TIMM13: variants seen among roughly 807,000 people sequenced by gnomAD.
The protein encoded by TIMM13 is mitochondrial import inner membrane translocase subunit Tim13.
In TIMM13, 8 loss-of-function variants were observed where a neutral mutation model predicts 10.9. That is an observed-to-expected ratio of 0.73 (90% confidence interval 0.43 to 1.32). The LOEUF is 1.32. Among genes scored for constraint, TIMM13 ranks in the 40% most tolerant of loss-of-function variants. The probability of loss-of-function intolerance (pLI) is 0.01; values close to 1 mark genes in which losing one functional copy is unlikely to be tolerated. For synonymous variants in TIMM13, 68 were observed against 52.5 expected, an observed-to-expected ratio of 1.30 and a Z score of -1.28; for missense variants, 147 against 132.8, an observed-to-expected ratio of 1.11 and a Z score of -0.53.
In TIMM13 at chr19:2,426,174, C is replaced by A. The variant is rs1971625695; in HGVS notation, c.*774G>T. The A allele has an allele frequency of 4.6e-6, 5 of 1,079,302 alleles. No homozygotes were observed. The highest frequency in any genetic ancestry group is 3.4e-5 in the Admixed American group (1 of 29,794). 66.9% of individuals were successfully genotyped at this position (1,079,302 alleles called of 1,614,324 possible). A position where few individuals can be genotyped will look rare whatever the true frequency, so the allele number is the denominator to read the frequency against. On this transcript the variant is annotated 3_prime_UTR_variant, in exon 3 of 3. Transcript: ENST00000215570. ...CAACACCCCACCCCACCGTACCCTA[C>A]CCAAGGACGGGTGTGGGGGGGCTGT... is the stretch of plus-strand genomic sequence containing the variant.
rs149393997 is a variant in TIMM13 at position 2,426,578 on chromosome 19, A to G, written c.*370T>C. On this transcript the variant is annotated 3_prime_UTR_variant, in exon 3 of 3. Coordinates refer to ENST00000215570, the MANE Select transcript of TIMM13 (RefSeq NM_012458.4). ...AAGAGGTTTCTCTCCGTCCTCCACC[A>G]ATTTATTTGCCCATCCGCAGGAGGT... The G allele has an allele frequency of 2.5e-5, 9 of 356,480 alleles. No homozygotes were observed. The East Asian group carries it at 3.3e-4, about 13-fold the overall frequency. The allele number at this position is 356,480 out of a possible 1,614,324, so 22.1% of individuals were successfully genotyped here.
chr19:2,425,933 GCTGGGGGACCC>G lies in TIMM13; in HGVS notation c.*1004_*1014del. The stretch of plus-strand genomic sequence containing the variant: ...TTTCTTCTCTCCCCAACAGGGTGAC[GCTGGGGGACCC>G]CTGGCCTGCAGGGAGCCCTCTGGAC... On this transcript the variant is annotated 3_prime_UTR_variant, in exon 3 of 3. Transcript: ENST00000215570. 1 of 1,594,640 alleles carries G rather than the reference GCTGGGGGACCC, an allele frequency of 6.3e-7. No homozygotes were observed. The highest frequency in any genetic ancestry group is 1.1e-5 in the South Asian group (1 of 88,942).
Position 2,427,513 on chromosome 19 carries a change from G to A in TIMM13, c.21C>T (p.Ser7=), listed in dbSNP as rs370433256. The change falls in exon 1 of 3, where the codon TCC becomes TCT. Residue 7 remains serine (S), a synonymous_variant. Coordinates refer to ENST00000215570, the MANE Select transcript of TIMM13 (RefSeq NM_012458.4). MEGGFG[S]DFGGSGSGKL... ...TCCCGCTGCCGGAGCCCCCGAAATC[G>A]GAGCCGAAGCCGCCCTCCATGGCTC... 118 of 1,608,630 alleles carry A rather than the reference G, an allele frequency of 7.3e-5. No individual in the cohort carries two copies. Among genetic ancestry groups the A allele is most frequent in the Non-Finnish European group, 9.3e-5 (109 of 1,178,216 alleles).
chr19:2,426,184 G>A lies in TIMM13; in HGVS notation c.*764C>T. On this transcript the variant is annotated 3_prime_UTR_variant, in exon 3 of 3. Coordinates refer to ENST00000215570, the MANE Select transcript of TIMM13 (RefSeq NM_012458.4). The stretch of plus-strand genomic sequence containing the variant: ...CCCCACCGTACCCTACCCAAGGACG[G>A]GTGTGGGGGGGCTGTGGGTCATGGG... The A allele has an allele frequency of 2.1e-6, 2 of 936,874 alleles. No individual in the cohort carries two copies. The highest frequency in any genetic ancestry group is 4.8e-5 in the East Asian group (1 of 20,784). 58.0% of individuals were successfully genotyped at this position (936,874 alleles called of 1,614,324 possible). A position where few individuals can be genotyped will look rare whatever the true frequency, so the allele number is the denominator to read the frequency against.
rs778745670 is a variant in TIMM13, at chr19:2,427,294, T to C, written c.151A>G (p.Ile51Val). ...TCCAGGGAGCCCCCAGGTTTCCCTATACACTTCCGGAAACACTTGTCCGTC... is the reference window on the plus strand; with the variant it reads ...TCCAGGGAGCCCCCAGGTTTCCCTACACACTTCCGGAAACACTTGTCCGTC... Reference protein sequence around the residue: ...RMTDKCFRKCIGKPGGSLDNS... With the variant: ...RMTDKCFRKCVGKPGGSLDNS... The change falls in exon 2 of 3, where the codon ATA becomes GTA. Residue 51 changes from isoleucine to valine, a missense_variant. Ile to Val is a conservative substitution (Grantham distance 29). Transcript: ENST00000215570. 30 of 1,613,342 alleles carry C rather than the reference T, an allele frequency of 1.9e-5. No individual in the cohort carries two copies. The highest frequency in any genetic ancestry group is 2.5e-5 in the Non-Finnish European group (30 of 1,179,816).
intron 2 of TIMM13, 56 bp downstream of exon 2, chr19:2,427,199 CT>C (rs1971659769): frequency 1.3e-6 from 2 of 1,592,684 alleles, no homozygotes; most frequent in Non-Finnish European, 1.7e-6. Context: ...GCGCAGACAC[CT>C]CCCCCCTCGA....
rs997900512 is a variant in TIMM13, at chr19:2,426,194, G to C, written c.*754C>G. On this transcript the variant is annotated 3_prime_UTR_variant, in exon 3 of 3. Coordinates refer to ENST00000215570, the MANE Select transcript of TIMM13 (RefSeq NM_012458.4). ...CCCTACCCAAGGACGGGTGTGGGGG[G>C]GCTGTGGGTCATGGGGATGCATTTT... 1.0e-5 allele frequency: 14 copies of C among 1,407,028 alleles called. No homozygotes were observed. Among genetic ancestry groups the C allele is most frequent in the Non-Finnish European group, 1.2e-5 (13 of 1,045,640 alleles). The allele number at this position is 1,407,028 out of a possible 1,614,324, so 87.2% of individuals were successfully genotyped here.
chr19:2,427,278 C>T lies in TIMM13; in HGVS notation c.167G>A (p.Gly56Asp). The T allele has an allele frequency of 6.2e-7, 1 of 1,613,376 alleles. No individual in the cohort carries two copies. Among genetic ancestry groups the T allele is most frequent in the Non-Finnish European group, 8.5e-7 (1 of 1,179,828 alleles). ...CFRKCIGKPG[G>D]SLDNSEQKCI... ...CACCTGCTCGGAGTTGTCCAGGGAGCCCCCAGGTTTCCCTATACACTTCCG... is the reference window on the plus strand; with the variant it reads ...CACCTGCTCGGAGTTGTCCAGGGAGTCCCCAGGTTTCCCTATACACTTCCG... Residue 56 changes from glycine to aspartate, a missense_variant, in exon 2 of 3, where the codon GGC becomes GAC. Physicochemically the swap from Gly to Asp is moderately conservative, Grantham distance 94 (BLOSUM62 -1). Transcript: ENST00000215570.
chr19:2,426,610 T>G lies in TIMM13; in HGVS notation c.*338A>C. 2.3e-6 allele frequency: 1 copy of G among 438,382 alleles called. No individual in the cohort carries two copies. 27.2% of individuals were successfully genotyped at this position (438,382 alleles called of 1,614,324 possible). A position where few individuals can be genotyped will look rare whatever the true frequency, so the allele number is the denominator to read the frequency against. ...TTGCCCATCCGCAGGAGGTGACAGC[T>G]CCTGTGGTGTCTGACCACCCCCAAC... On this transcript the variant is annotated 3_prime_UTR_variant, in exon 3 of 3. Coordinates refer to ENST00000215570, the MANE Select transcript of TIMM13 (RefSeq NM_012458.4).
chr19:2,425,724 A>T lies in TIMM13; in HGVS notation c.*1224T>A. The T allele has an allele frequency of 8.7e-7, 1 of 1,145,770 alleles. No homozygotes were observed. Among genetic ancestry groups the T allele is most frequent in the Non-Finnish European group, 1.2e-6 (1 of 847,604 alleles). The allele number at this position is 1,145,770 out of a possible 1,614,324, so 71.0% of individuals were successfully genotyped here. Reference sequence around the variant, plus strand: ...CGGCGGCAGAGCAGGCAGAGGCTGCAGTGGGAGGCACCGTTCCACTCCGGG... The same window carrying T: ...CGGCGGCAGAGCAGGCAGAGGCTGCTGTGGGAGGCACCGTTCCACTCCGGG... On this transcript the variant is annotated 3_prime_UTR_variant, in exon 3 of 3. Transcript: ENST00000215570.
rs1971624812 is a variant in TIMM13, at chr19:2,426,152, C to T, written c.*796G>A. On this transcript the variant is annotated 3_prime_UTR_variant, in exon 3 of 3. Transcript: ENST00000215570. Reference sequence around the variant, plus strand: ...GCAACAGGAGCAGCAGGCCACCCAACACCCCACCCCACCGTACCCTACCCA... The same window carrying T: ...GCAACAGGAGCAGCAGGCCACCCAATACCCCACCCCACCGTACCCTACCCA... 1 of 1,374,854 alleles carries T rather than the reference C, an allele frequency of 7.3e-7. No individual in the cohort carries two copies. The highest frequency in any genetic ancestry group is 9.4e-7 in the Non-Finnish European group (1 of 1,067,092). 85.2% of individuals were successfully genotyped at this position (1,374,854 alleles called of 1,614,324 possible). A position where few individuals can be genotyped will look rare whatever the true frequency, so the allele number is the denominator to read the frequency against.
chr19:2,427,309 A>C lies in TIMM13; in HGVS notation c.136T>G (p.Cys46Gly), dbSNP rs1000857314. The change falls in exon 2 of 3, where the codon TGT becomes GGT. Residue 46 changes from cysteine to glycine, a missense_variant. Physicochemically the swap from Cys to Gly is radical, Grantham distance 159. Coordinates refer to ENST00000215570, the MANE Select transcript of TIMM13 (RefSeq NM_012458.4). ...QELLQRMTDK[C>G]FRKCIGKPGG... ...GGTTTCCCTATACACTTCCGGAAACACTTGTCCGTCATCCTCTGTGGAGAC... is the reference window on the plus strand; with the variant it reads ...GGTTTCCCTATACACTTCCGGAAACCCTTGTCCGTCATCCTCTGTGGAGAC... The C allele has an allele frequency of 7.4e-6, 12 of 1,613,368 alleles. No individual in the cohort carries two copies. The highest frequency in any genetic ancestry group is 1.0e-5 in the Non-Finnish European group (12 of 1,179,804).
Position 2,426,642 on chromosome 19 carries a change from G to A in TIMM13, c.*306C>T, listed in dbSNP as rs1971642325. 8.1e-6 allele frequency: 4 copies of A among 493,656 alleles called. No individual in the cohort carries two copies. The highest frequency in any genetic ancestry group is 6.9e-5 in the East Asian group (2 of 28,858). 30.6% of individuals were successfully genotyped at this position (493,656 alleles called of 1,614,324 possible). ...GTGTCTGACCACCCCCAACTCCGAA[G>A]TCCAGACAAGCTGTCCGCCCAGAAT... On this transcript the variant is annotated 3_prime_UTR_variant, in exon 3 of 3. Coordinates refer to ENST00000215570, the MANE Select transcript of TIMM13 (RefSeq NM_012458.4).
chr19:2,427,585 C>A lies in TIMM13; in HGVS notation c.-52G>T. The A allele has an allele frequency of 6.5e-7, 1 of 1,547,798 alleles. No individual in the cohort carries two copies. The highest frequency in any genetic ancestry group is 8.7e-7 in the Non-Finnish European group (1 of 1,148,184). On this transcript the variant is annotated 5_prime_UTR_variant, in exon 1 of 3. Transcript: ENST00000215570. Reference sequence around the variant, plus strand: ...GCCGCGTGCGCCGACTCGTAACTAACTGCGCCGGAAGCGGGCCGCCCGGGG... The same window carrying A: ...GCCGCGTGCGCCGACTCGTAACTAAATGCGCCGGAAGCGGGCCGCCCGGGG...
chr19:2,427,235 C>T (rs903793255), intron 2 of TIMM13, 21 bp downstream of exon 2: 3 of 1,612,128 alleles, frequency 1.9e-6, no homozygotes, highest in Non-Finnish European at 1.7e-6. Flanking sequence ...GACCCTTGCC[C>T]CGAACCTCCG....
rs1016788294 is a variant in TIMM13, at chr19:2,426,551, TAA to T, written c.*395_*396del. On this transcript the variant is annotated 3_prime_UTR_variant, in exon 3 of 3. Coordinates refer to ENST00000215570, the MANE Select transcript of TIMM13 (RefSeq NM_012458.4). ...TCCCAGAGACCCCTCAGGAGGGAAA[TAA>T]AGAGGTTTCTCTCCGTCCTCCACCA... The T allele has an allele frequency of 3.3e-6, 1 of 305,500 alleles. No homozygotes were observed. The highest frequency in any genetic ancestry group is 4.8e-5 in the Admixed American group (1 of 20,994). The allele number at this position is 305,500 out of a possible 1,614,324, so 18.9% of individuals were successfully genotyped here. A position where few individuals can be genotyped will look rare whatever the true frequency, so the allele number is the denominator to read the frequency against.
In TIMM13 at chr19:2,427,319, C is replaced by A. The variant is rs770255972; in HGVS notation, c.126G>T (p.Met42Ile). The A allele has an allele frequency of 6.2e-7, 1 of 1,613,434 alleles. No homozygotes were observed. The highest frequency in any genetic ancestry group is 1.1e-5 in the South Asian group (1 of 91,088). Residue 42 changes from methionine (M) to isoleucine (I), a missense_variant, in exon 2 of 3, where the codon ATG becomes ATT. Coordinates refer to ENST00000215570, the MANE Select transcript of TIMM13 (RefSeq NM_012458.4). Reference sequence around the variant, plus strand: ...TACACTTCCGGAAACACTTGTCCGTCATCCTCTGTGGAGACACGCGAGGCT... The same window carrying A: ...TACACTTCCGGAAACACTTGTCCGTAATCCTCTGTGGAGACACGCGAGGCT... ...VANAQELLQR[M>I]TDKCFRKCIG...
chr19:2,427,536 C>A lies in TIMM13; in HGVS notation c.-3G>T. ...TCGGAGCCGAAGCCGCCCTCCATGG[C>A]TCCGCAAAGTCAACCGGACCGAGGC... is the stretch of plus-strand genomic sequence containing the variant. On this transcript the variant is annotated 5_prime_UTR_variant, in exon 1 of 3. Coordinates refer to ENST00000215570, the MANE Select transcript of TIMM13 (RefSeq NM_012458.4). 1 of 1,601,284 alleles carries A rather than the reference C, an allele frequency of 6.2e-7. No individual in the cohort carries two copies. Among genetic ancestry groups the A allele is most frequent in the Non-Finnish European group, 8.5e-7 (1 of 1,174,708 alleles).
chr19:2,426,082 G>A lies in TIMM13; in HGVS notation c.*866C>T, dbSNP rs770657224. 10 of 1,605,340 alleles carry A rather than the reference G, an allele frequency of 6.2e-6. No homozygotes were observed. Among genetic ancestry groups the A allele is most frequent in the Non-Finnish European group, 7.6e-6 (9 of 1,176,976 alleles). ...GAGGCTGGATAGGACAGCACATCCAGGAGTGACCACCACGTGACTGCCCAG... is the reference window on the plus strand; with the variant it reads ...GAGGCTGGATAGGACAGCACATCCAAGAGTGACCACCACGTGACTGCCCAG... On this transcript the variant is annotated 3_prime_UTR_variant, in exon 3 of 3. Transcript: ENST00000215570.
Sources: allele counts gnomAD v4.1 joint callset, GRCh38; gene constraint gnomAD v4.1.1; transcripts MANE v1.5; gene names NCBI Gene and HGNC (gene_info 2026-07-23, HGNC 2026-07-21).